The following TOPBP1 variants were observed in gnomAD, a reference collection of about 807,000 sequenced individuals.
The protein encoded by TOPBP1 is DNA topoisomerase II binding protein 1.
A neutral mutation model predicts 167.7 loss-of-function variants in TOPBP1; 28 were observed. The observed-to-expected ratio is 0.17, with a 90% CI of 0.12 to 0.23. TOPBP1 has a LOEUF of 0.23. Among genes scored for constraint, TOPBP1 ranks in the 10% least tolerant of loss-of-function variants. The pLI is 1.00. For missense variants in TOPBP1, 1,554 were observed against 1,809.6 expected (o/e 0.86, Z 2.56); for synonymous variants, 598 against 611.4 (o/e 0.98, Z 0.32).
chr3:133,660,166 A>G (rs1936638342), intron 2 of TOPBP1, among the ~76,000 whole-genome samples: 1 of 146,576 alleles, frequency 6.8e-6, no homozygotes, highest in African/African-American at 2.5e-5. Flanking sequence ...CTGCAAGGCT[A>G]TCTCACCTCC....
intron 27 of TOPBP1, among the ~76,000 whole-genome samples, 184 bp from the exon 28 acceptor site, chr3:133,601,577 C>A (rs1289616694): frequency 6.6e-6 from 1 of 151,990 alleles, no homozygotes; most frequent in Non-Finnish European, 1.5e-5. Flanking sequence ...CAAAGTCTCA[C>A]CTTTTATCAA....
At chr3:133,604,678 T>C (rs7610207) in intron 27 of TOPBP1, among the ~76,000 whole-genome samples, 24 of 151,764 alleles carry the variant, frequency 1.6e-4, no homozygotes, top group African/African-American at 5.5e-4. Flanking sequence ...CTCAGCACTT[T>C]GGGAGGCCAA....
At chr3:133,618,603 A>T (rs895002302) in intron 20 of TOPBP1, among the ~76,000 whole-genome samples, 170 bp from the exon 21 acceptor site, 13 of 150,678 alleles carry the variant, frequency 8.6e-5, no homozygotes, top group South Asian at 4.2e-4. Context: ...TTTTTTTTTT[A>T]AAAAGGTTTA....
At chr3:133,618,575 A>G in intron 20 of TOPBP1, 142 bp from the exon 21 acceptor site, 1 of 650,236 alleles carries the variant, frequency 1.5e-6, no homozygotes, top group Non-Finnish European at 2.5e-6. Context: ...ATATTAAATA[A>G]ATGAACCTAG....
chr3:133,633,425 T>C, intron 14 of TOPBP1, among the ~76,000 whole-genome samples: 1 of 152,172 alleles, frequency 6.6e-6, no homozygotes, highest in East Asian at 1.9e-4. Flanking sequence ...TTTCCTCTTC[T>C]CTTATAGCTC....
Position 133,649,645 on chromosome 3 carries a change from G to C in TOPBP1, c.1254-12C>G, listed in dbSNP as rs1476913448. The C allele has an allele frequency of 1.9e-6, 3 of 1,612,138 alleles. No individual in the cohort carries two copies. The highest frequency in any genetic ancestry group is 2.5e-6 in the Non-Finnish European group (3 of 1,179,154). ...CCACTACATGAGGCCTACAAAAATA[G>C]CACATAGTTATGTATTAGTGCAAGC... is the stretch of plus-strand genomic sequence containing the variant. On this transcript the variant is annotated splice_polypyrimidine_tract_variant and intron_variant, in intron 9 of 27. Transcript: ENST00000260810.
rs967422095 is a variant in TOPBP1 at position 133,616,872 on chromosome 3, C to T, written c.3813G>A (p.Gln1271=). ...GTTCTTGAGGATTCAGAGATGATAA[C>T]TGAAATATGTACTGTTTTTTTAATT... is the stretch of plus-strand genomic sequence containing the variant. ...HEELKKQYIF[Q]LSSLNPQERI... The change falls in exon 23 of 28, where the codon CAG becomes CAA. Residue 1271 remains glutamine, a synonymous_variant. Coordinates refer to ENST00000260810, the MANE Select transcript of TOPBP1 (RefSeq NM_007027.4). The T allele has an allele frequency of 9.6e-6, 15 of 1,558,740 alleles. No homozygotes were observed. Among genetic ancestry groups the T allele is most frequent in the Non-Finnish European group, 1.3e-5 (15 of 1,154,484 alleles).
At chr3:133,620,777 G>A (rs992531167) in intron 19 of TOPBP1, among the ~76,000 whole-genome samples, 3 of 151,992 alleles carry the variant, frequency 2.0e-5, no homozygotes, top group Admixed American at 6.6e-5. Flanking sequence ...GTTTCGCCAC[G>A]TTGGCTAGGC....
At chr3:133,643,856 G>A (rs564863760) in intron 11 of TOPBP1, among the ~76,000 whole-genome samples, 164 bp downstream of exon 11, 8 of 152,314 alleles carry the variant, frequency 5.3e-5, no homozygotes, top group African/African-American at 1.9e-4. Flanking sequence ...AGGCCAAGAA[G>A]CTTGCACATT....
intron 13 of TOPBP1, among the ~76,000 whole-genome samples, chr3:133,639,271 C>T (rs1203042390): frequency 6.6e-6 from 1 of 152,148 alleles, no homozygotes; most frequent in Non-Finnish European, 1.5e-5. Context: ...CCATGGAATA[C>T]TATGCAGCCA....
At chr3:133,660,476 T>C (rs1936657765) in intron 2 of TOPBP1, among the ~76,000 whole-genome samples, 1 of 152,178 alleles carries the variant, frequency 6.6e-6, no homozygotes, top group Non-Finnish European at 1.5e-5. Flanking sequence ...GAATGAAGTT[T>C]AAAAAAATCT....
rs757444270 is a variant in TOPBP1, at chr3:133,618,139, A to G, written c.3592+74T>C. ...CACATTCAGATCAGAGAACTACAACATGCTCATCTGTTTATTTTTAAGAGG... is the reference window on the plus strand; with the variant it reads ...CACATTCAGATCAGAGAACTACAACGTGCTCATCTGTTTATTTTTAAGAGG... On this transcript the variant is annotated intron_variant, in intron 21 of 27. Coordinates refer to ENST00000260810, the MANE Select transcript of TOPBP1 (RefSeq NM_007027.4). The G allele has an allele frequency of 1.0e-5, 13 of 1,285,564 alleles. No individual in the cohort carries two copies. The African/African-American group carries it at 1.3e-4, about 13-fold the overall frequency. The allele number at this position is 1,285,564 out of a possible 1,614,324, so 79.6% of individuals were successfully genotyped here. A position where few individuals can be genotyped will look rare whatever the true frequency, so the allele number is the denominator to read the frequency against.
intron 23 of TOPBP1, among the ~76,000 whole-genome samples, chr3:133,615,323 C>T (rs1188133081): frequency 6.6e-6 from 1 of 151,792 alleles, no homozygotes; most frequent in Non-Finnish European, 1.5e-5. Context: ...TACAAAAATA[C>T]AAAATTAGCC....
chr3:133,620,211 G>T lies in TOPBP1; in HGVS notation c.3315C>A (p.Thr1105=), dbSNP rs778241683. 2 of 1,613,746 alleles carry T rather than the reference G, an allele frequency of 1.2e-6. No individual in the cohort carries two copies. Among genetic ancestry groups the T allele is most frequent in the Non-Finnish European group, 1.7e-6 (2 of 1,179,860 alleles). Residue 1105 remains threonine (T), a synonymous_variant, in exon 20 of 28, where the codon ACC becomes ACA. Coordinates refer to ENST00000260810, the MANE Select transcript of TOPBP1 (RefSeq NM_007027.4). ...TGCGAGCAGAGCGAGTGCTGTCAGG[G>T]GTTGAAGATGCGCTGTTACAACCAC... The part of the protein sequence containing the change: ...SRSGCNSASS[T]PDSTRSARSG...
At chr3:133,609,496 G>A (rs1934602566) in intron 25 of TOPBP1, among the ~76,000 whole-genome samples, 1 of 152,174 alleles carries the variant, frequency 6.6e-6, no homozygotes, top group Non-Finnish European at 1.5e-5. Context: ...TGGTTTGGCT[G>A]TGTCCCCACC....
intron 14 of TOPBP1, among the ~76,000 whole-genome samples, chr3:133,630,601 A>AT (rs139308525): frequency 0.15 from 22,030 of 151,490 alleles, 1,887 homozygotes; most frequent in Non-Finnish European, 0.2. Flanking sequence ...ACTCGCTGTA[A>AT]TTTTTTTGTT....
Position 133,659,016 on chromosome 3 carries a change from CT to C in TOPBP1, c.218del (p.Lys73SerfsTer11). 3 of 1,594,974 alleles carry C rather than the reference CT, an allele frequency of 1.9e-6. No individual in the cohort carries two copies. The highest frequency in any genetic ancestry group is 1.3e-5 in the African/African-American group (1 of 74,496). On this transcript the variant is annotated frameshift_variant and splice_region_variant, in exon 3 of 28. Transcript: ENST00000260810. LOFTEE classifies it high-confidence loss of function. ...AGGTACACACTAGAAGTCAGCAAAC[CT>C]TTTTGAGGTGATCAAAGACAACGCC... The part of the protein sequence containing the change: ...FSGVVFDHLK[K>X]LGCRIVGPQV...
At chr3:133,620,766 G>A (rs972408015) in intron 19 of TOPBP1, among the ~76,000 whole-genome samples, 11 of 151,902 alleles carry the variant, frequency 7.2e-5, no homozygotes, top group African/African-American at 1.9e-4. Flanking sequence ...GTAGAGACGC[G>A]GTTTCGCCAC....
intron 16 of TOPBP1, among the ~76,000 whole-genome samples, chr3:133,627,345 C>G (rs892512211): frequency 1.3e-5 from 2 of 152,072 alleles, no homozygotes; most frequent in Non-Finnish European, 2.9e-5. Flanking sequence ...ACACACACCC[C>G]TTGTAGGGCT....
Sources: allele counts gnomAD v4.1 joint callset (sites outside exome capture counted in the v4.1 genomes callset), GRCh38; gene constraint gnomAD v4.1.1; transcripts MANE v1.5; gene names NCBI Gene and HGNC (gene_info 2026-07-23, HGNC 2026-07-21).